The following NDUFS4 variants were observed in gnomAD, a reference collection of about 807,000 sequenced individuals.
NDUFS4 encodes the protein NADH dehydrogenase [ubiquinone] iron-sulfur protein 4, mitochondrial.
In NDUFS4, 28 loss-of-function variants were observed where a neutral mutation model predicts 24.3. The observed-to-expected ratio is 1.15, with a 90% CI of 0.85 to 1.58. The LOEUF is 1.58. Among genes scored for constraint, NDUFS4 ranks in the 40% most tolerant of loss-of-function variants. The probability of loss-of-function intolerance (pLI) is 0.00; values close to 1 mark genes in which losing one functional copy is unlikely to be tolerated. For synonymous variants in NDUFS4, 93 were observed against 69.7 expected, an observed-to-expected ratio of 1.34 and a Z score of -1.67; for missense variants, 223 against 207.9, an observed-to-expected ratio of 1.07 and a Z score of -0.45.
chr5:53,639,958 A>G (rs1579908129), intron 2 of NDUFS4, among the ~76,000 whole-genome samples: 1 of 152,110 alleles, frequency 6.6e-6, no homozygotes, highest in Admixed American at 6.6e-5. Context: ...ATTATCAAAT[A>G]TTTTTCTTAT....
chr5:53,597,382 A>G (rs185897729), intron 1 of NDUFS4, among the ~76,000 whole-genome samples: 156 of 152,370 alleles, frequency 1.0e-3, no homozygotes, highest in African/African-American at 3.6e-3. Context: ...TTAGGAGAAC[A>G]GGATACAGAC....
At chr5:53,577,604 A>G (rs1749427594) in intron 1 of NDUFS4, among the ~76,000 whole-genome samples, 1 of 151,930 alleles carries the variant, frequency 6.6e-6, no homozygotes, top group South Asian at 2.1e-4. Context: ...CTAATTTTAG[A>G]TGGTCTCTTG....
In NDUFS4 at chr5:53,646,258, C is replaced by T. The variant is rs1199361122; in HGVS notation, c.203C>T (p.Pro68Leu). ...GATATCACTACTTTAACTGGAGTTCCAGAAGAGCATATAAAAACTAGAAAA... is the reference window on the plus strand; with the variant it reads ...GATATCACTACTTTAACTGGAGTTCTAGAAGAGCATATAAAAACTAGAAAA... ...KLDITTLTGV[P>L]EEHIKTRKVR... The change falls in exon 3 of 5, where the codon CCA (proline) becomes CTA (leucine). Residue 68 changes from proline to leucine, a missense_variant. Physicochemically the swap from Pro to Leu is moderately conservative, Grantham distance 98. Transcript: ENST00000296684. 4 of 1,612,390 alleles carry T rather than the reference C, an allele frequency of 2.5e-6. No homozygotes were observed. In the South Asian group the frequency reaches 4.4e-5, roughly 18 times the overall value.
At chr5:53,648,108 T>C (rs1479013822) in intron 3 of NDUFS4, among the ~76,000 whole-genome samples, 1 of 152,170 alleles carries the variant, frequency 6.6e-6, no homozygotes, top group Non-Finnish European at 1.5e-5. Flanking sequence ...AATATTCTGC[T>C]TTATCAAACC....
At chr5:53,636,949 G>C (rs1346053649) in intron 2 of NDUFS4, among the ~76,000 whole-genome samples, 1 of 152,138 alleles carries the variant, frequency 6.6e-6, no homozygotes, top group Non-Finnish European at 1.5e-5. Flanking sequence ...GCCAAACTGT[G>C]AGCCAATTAA....
intron 2 of NDUFS4, among the ~76,000 whole-genome samples, chr5:53,625,711 A>C (rs778316071): frequency 1.7e-4 from 25 of 151,478 alleles, no homozygotes; most frequent in Non-Finnish European, 2.8e-4. Context: ...TCTTTAATAT[A>C]GTTTCCATTA....
chr5:53,600,365 A>G (rs1269409401), intron 1 of NDUFS4, among the ~76,000 whole-genome samples: 1 of 151,918 alleles, frequency 6.6e-6, no homozygotes, highest in Admixed American at 6.6e-5. Flanking sequence ...GCTGGAGTGC[A>G]GTGGTGCGAT....
At chr5:53,640,657 C>T (rs937921926) in intron 2 of NDUFS4, among the ~76,000 whole-genome samples, 1 of 152,060 alleles carries the variant, frequency 6.6e-6, no homozygotes, top group African/African-American at 2.4e-5. Context: ...CACCCATTAC[C>T]ACAAGGGCAG....
chr5:53,582,424 C>G (rs1749599380), intron 1 of NDUFS4, among the ~76,000 whole-genome samples: 2 of 152,056 alleles, frequency 1.3e-5, no homozygotes, highest in South Asian at 2.1e-4. Flanking sequence ...GCAGGGCACA[C>G]TCAAACATAC....
intron 1 of NDUFS4, among the ~76,000 whole-genome samples, chr5:53,561,820 T>A (rs1001541262): frequency 6.6e-6 from 1 of 152,080 alleles, no homozygotes; most frequent in African/African-American, 2.4e-5. Flanking sequence ...ATAGTGGGTG[T>A]TGGGTGGGAA....
At chr5:53,628,090 AG>A (rs1440105067) in intron 2 of NDUFS4, among the ~76,000 whole-genome samples, 3 of 152,316 alleles carry the variant, frequency 2.0e-5, no homozygotes, top group Non-Finnish European at 2.9e-5. Context: ...TTTAGCATGA[AG>A]GGCTGTTGAA....
chr5:53,594,872 T>TTTTG (rs1750084914), intron 1 of NDUFS4, among the ~76,000 whole-genome samples: 1 of 148,426 alleles, frequency 6.7e-6, no homozygotes. Flanking sequence ...ATGTCTGTGT[T>TTTTG]TGTGTGTGTG....
intron 1 of NDUFS4, among the ~76,000 whole-genome samples, chr5:53,563,230 A>G: frequency 6.9e-6 from 1 of 143,978 alleles, no homozygotes. Context: ...CTGTGTCTCA[A>G]AAAAACAAAA....
rs1273979929 is a variant in NDUFS4, at chr5:53,603,538, T to G, written c.177+8T>G. ...ACAGTTGATGAAAAATTGGTAAGGA[T>G]TTTCTACTACACACTGCTATGGTTC... is the stretch of plus-strand genomic sequence containing the variant. On this transcript the variant is annotated splice_region_variant and intron_variant, in intron 2 of 4. Transcript: ENST00000296684. The G allele has an allele frequency of 1.1e-5, 18 of 1,607,098 alleles. No homozygotes were observed. The highest frequency in any genetic ancestry group is 1.3e-5 in the Non-Finnish European group (15 of 1,173,976).
At position 53,648,598 on chromosome 5, in the gene NDUFS4, T is replaced by G. The variant is rs10513019; in HGVS notation, c.350+2193T>G. 9.2e-3 allele frequency among the ~76,000 whole-genome samples: 1,404 copies of G among 152,188 alleles called. 16 individuals carry two copies. Among genetic ancestry groups the G allele is most frequent in the African/African-American group, 0.032 (1,330 of 41,532 alleles). On this transcript the variant is annotated intron_variant, in intron 3 of 4. Transcript: ENST00000296684. ...GCCTGCATCTGTAAGAATGGTCATATACAGACAAAATCAGTGGTTCTCAAC... is the reference window on the plus strand; with the variant it reads ...GCCTGCATCTGTAAGAATGGTCATAGACAGACAAAATCAGTGGTTCTCAAC...
At chr5:53,606,005 C>T (rs1400328991) in intron 2 of NDUFS4, among the ~76,000 whole-genome samples, 2 of 130,742 alleles carry the variant, frequency 1.5e-5, no homozygotes, top group Non-Finnish European at 3.1e-5. Flanking sequence ...TAGAGCGAGA[C>T]TCCGTCTCAA....
intron 2 of NDUFS4, among the ~76,000 whole-genome samples, chr5:53,645,219 G>GA (rs1477238720): frequency 6.6e-6 from 1 of 152,114 alleles, no homozygotes; most frequent in African/African-American, 2.4e-5. Flanking sequence ...GCATATGGTT[G>GA]ACCCCAATGT....
At chr5:53,574,969 C>A (rs1274518426) in intron 1 of NDUFS4, among the ~76,000 whole-genome samples, 1 of 152,162 alleles carries the variant, frequency 6.6e-6, no homozygotes, top group East Asian at 1.9e-4. Context: ...AGAACCACAG[C>A]TCCAGCGGAC....
At chr5:53,629,186 G>T (rs1751323195) in intron 2 of NDUFS4, among the ~76,000 whole-genome samples, 1 of 152,150 alleles carries the variant, frequency 6.6e-6, no homozygotes, top group South Asian at 2.1e-4. Context: ...TAGTTTTGTA[G>T]TTTTGAGTGA....
Sources: gnomAD v4.1 joint callset for allele counts (sites outside exome capture counted in the v4.1 genomes callset) on GRCh38, gnomAD v4.1.1 for gene constraint, MANE v1.5 for transcripts, NCBI Gene and HGNC (gene_info 2026-07-23, HGNC 2026-07-21) for gene names.